BCL11B: variants seen among roughly 807,000 people sequenced by gnomAD.
BCL11B encodes the protein B-cell lymphoma/leukemia 11B.
In BCL11B, 8 loss-of-function variants were observed where a neutral mutation model predicts 49.9. The observed-to-expected ratio is 0.16, with a 90% CI of 0.09 to 0.29. BCL11B has a LOEUF of 0.29. BCL11B is among the 10% of genes least tolerant of loss of function. The pLI, the probability that BCL11B is intolerant of heterozygous loss-of-function variation, is 1.00. For synonymous variants in BCL11B, 739 were observed against 637.4 expected (o/e 1.16, Z -2.40); for missense variants, 1,006 against 1,351.0 (o/e 0.74, Z 4.00).
At position 99,192,889 on chromosome 14, in the gene BCL11B, A is replaced by ATGAG. The variant is rs1887074483; in HGVS notation, c.641-16695_641-16694insCTCA. On this transcript the variant is annotated intron_variant, in intron 3 of 3. Transcript: ENST00000357195. The surrounding 1 kb of genome is among the most constrained non-coding windows in gnomAD (Gnocchi z 4.0). The stretch of plus-strand genomic sequence containing the variant: ...AATGAGTGAATGAATGAATGAATGA[A>ATGAG]TGAATGAGTGAATGAATGGATAAAA... 6.7e-6 allele frequency among the ~76,000 whole-genome samples: 1 copy of ATGAG among 149,880 alleles called. No homozygotes were observed. Among genetic ancestry groups the ATGAG allele is most frequent in the African/African-American group, 2.5e-5 (1 of 40,676 alleles).
chr14:99,203,195 G>A (rs899466858), intron 3 of BCL11B, among the ~76,000 whole-genome samples: 17 of 152,146 alleles, frequency 1.1e-4, no homozygotes, highest in East Asian at 5.8e-4. Context: ...CCCCATGGCC[G>A]CAGGGAGCAG....
intron 3 of BCL11B, among the ~76,000 whole-genome samples, chr14:99,221,256 T>C (rs1170687859): frequency 6.6e-6 from 1 of 152,174 alleles, no homozygotes; most frequent in Non-Finnish European, 1.5e-5. Context: ...ACTGGTTAAA[T>C]ACAACACCAA....
chr14:99,234,216 G>T (rs957563809), intron 2 of BCL11B, among the ~76,000 whole-genome samples: 5 of 152,212 alleles, frequency 3.3e-5, no homozygotes, highest in African/African-American at 1.2e-4. Flanking sequence ...TGATGAAAAT[G>T]CTCGGGACTT....
At chr14:99,251,757 CTGGGA>C (rs1889013481) in intron 2 of BCL11B, among the ~76,000 whole-genome samples, 1 of 152,148 alleles carries the variant, frequency 6.6e-6, no homozygotes, top group Admixed American at 6.5e-5. Flanking sequence ...AGGGTCATAT[CTGGGA>C]TGGGCTTCAA....
chr14:99,219,024 C>A (rs1454226418), intron 3 of BCL11B, among the ~76,000 whole-genome samples: 2 of 150,206 alleles, frequency 1.3e-5, no homozygotes, highest in African/African-American at 2.5e-5. Context: ...AAATACATTT[C>A]TTTTCTTTTT....
chr14:99,208,751 C>T (rs958876024), intron 3 of BCL11B, among the ~76,000 whole-genome samples: 9 of 152,212 alleles, frequency 5.9e-5, no homozygotes, highest in African/African-American at 1.2e-4. Flanking sequence ...GCCGAGTCTG[C>T]GCAAAGGAGT....
intron 3 of BCL11B, among the ~76,000 whole-genome samples, chr14:99,215,983 G>A (rs566729802): frequency 6.6e-5 from 10 of 152,180 alleles, no homozygotes; most frequent in Non-Finnish European, 1.2e-4. Context: ...AAGCCCCGTG[G>A]ATCCCGGAAA....
At chr14:99,180,075 G>T (rs902963789) in intron 3 of BCL11B, among the ~76,000 whole-genome samples, 1 of 152,152 alleles carries the variant, frequency 6.6e-6, no homozygotes, top group African/African-American at 2.4e-5. Flanking sequence ...CCCCTTCCCG[G>T]GACCAGATGT....
In BCL11B at chr14:99,232,776, C is replaced by T. The variant is rs80069922; in HGVS notation, c.428-1219G>A. Among the ~76,000 whole-genome samples, 3,383 of 152,278 alleles carry T rather than the reference C, an allele frequency of 0.022. 55 individuals carry two copies. The highest frequency in any genetic ancestry group is 0.031 in the Non-Finnish European group (2,077 of 68,006). On this transcript the variant is annotated intron_variant, in intron 2 of 3. Transcript: ENST00000357195. The surrounding 1 kb of genome is among the most constrained non-coding windows in gnomAD (Gnocchi z 5.1). ...CAGAAAACTGCAGACATCAGCAGCC[C>T]CATCCAAACCCCAGCTGTCTGGCCC...
intron 3 of BCL11B, among the ~76,000 whole-genome samples, chr14:99,185,749 G>A (rs970208080): frequency 2.0e-5 from 3 of 151,498 alleles, no homozygotes; most frequent in Non-Finnish European, 2.9e-5. Context: ...CCGCACACTC[G>A]CCCTCCTGAC....
chr14:99,198,871 T>C (rs1372249585), intron 3 of BCL11B, among the ~76,000 whole-genome samples: 3 of 152,126 alleles, frequency 2.0e-5, no homozygotes, highest in Non-Finnish European at 4.4e-5. Context: ...CTAGCAGGCT[T>C]CCGACTCTCT....
chr14:99,225,142 G>A (rs1888122968), intron 3 of BCL11B, among the ~76,000 whole-genome samples: 2 of 152,194 alleles, frequency 1.3e-5, no homozygotes, highest in Non-Finnish European at 2.9e-5. Context: ...CTTCCACTGG[G>A]CGACGAACTT....
At chr14:99,182,155 A>G (rs1046208280) in intron 3 of BCL11B, among the ~76,000 whole-genome samples, 6 of 152,178 alleles carry the variant, frequency 3.9e-5, no homozygotes, top group African/African-American at 1.4e-4. Context: ...ACAAAGGCGG[A>G]ACTGGGGAAA....
At chr14:99,230,886 A>G (rs1888310541) in intron 3 of BCL11B, among the ~76,000 whole-genome samples, 1 of 152,030 alleles carries the variant, frequency 6.6e-6, no homozygotes, top group Admixed American at 6.5e-5. Flanking sequence ...TGGGCAACAC[A>G]TTCTCCCAAA....
At chr14:99,214,520 T>C (rs1383558436) in intron 3 of BCL11B, among the ~76,000 whole-genome samples, 1 of 149,984 alleles carries the variant, frequency 6.7e-6, no homozygotes, top group Non-Finnish European at 1.5e-5. Context: ...ATCACGCCAC[T>C]GCACTCCAGC....
In BCL11B at chr14:99,199,685, CGCGCGCGCGCGCACGTGCACGTGTGT is replaced by C. The variant is rs1352357784; in HGVS notation, c.641-23516_641-23491del. Among the ~76,000 whole-genome samples, 734 of 58,928 alleles carry C rather than the reference CGCGCGCGCGCGCACGTGCACGTGTGT, an allele frequency of 0.012. 21 individuals carry two copies. The East Asian group carries it at 0.13, about 11-fold the overall frequency. 38.7% of individuals were successfully genotyped at this position (58,928 alleles called of 152,430 possible). On this transcript the variant is annotated intron_variant, in intron 3 of 3. Coordinates refer to ENST00000357195, the MANE Select transcript of BCL11B (RefSeq NM_138576.4). ...GTGTGTGTGTGTGTGTGTGTGTGTG[CGCGCGCGCGCGCACGTGCACGTGTGT>C]GCGTGTGTGCATGCATATGTGTGTG...
chr14:99,255,405 GAAAAAAAA>G lies in BCL11B; in HGVS notation c.427+2058_427+2065del, dbSNP rs67440207. ...TAGGCTGCTGCAGTATCACAACCTG[GAAAAAAAA>G]AAAAAAAAAAAAAAAAAAAAAACAG... On this transcript the variant is annotated intron_variant, in intron 2 of 3. Coordinates refer to ENST00000357195, the MANE Select transcript of BCL11B (RefSeq NM_138576.4). Among the ~76,000 whole-genome samples the G allele has an allele frequency of 7.4e-3, 480 of 65,176 alleles. 6 individuals are homozygous for G. Among genetic ancestry groups the G allele is most frequent in the Middle Eastern group, 0.028 (2 of 72 alleles). The allele number at this position is 65,176 out of a possible 152,430, so 42.8% of individuals were successfully genotyped here. A position where few individuals can be genotyped will look rare whatever the true frequency, so the allele number is the denominator to read the frequency against.
intron 3 of BCL11B, among the ~76,000 whole-genome samples, chr14:99,208,690 C>G (rs1887603430): frequency 6.6e-6 from 1 of 152,252 alleles, no homozygotes; most frequent in South Asian, 2.1e-4. Context: ...AGGGCCCCTT[C>G]CCAGAATCCA....
intron 3 of BCL11B, among the ~76,000 whole-genome samples, chr14:99,197,463 G>A (rs1468786940): frequency 6.6e-6 from 1 of 152,140 alleles, no homozygotes; most frequent in Non-Finnish European, 1.5e-5. Flanking sequence ...TAAAGAAAAT[G>A]AGTGAAGTTG....
Sources: gnomAD v4.1 joint callset for allele counts (sites outside exome capture counted in the v4.1 genomes callset) on GRCh38, gnomAD v4.1.1 for gene constraint, Gnocchi (gnomAD v3.1) non-coding constraint, MANE v1.5 for transcripts, NCBI Gene and HGNC (gene_info 2026-07-23, HGNC 2026-07-21) for gene names.